The following SIRT5 variants were observed in gnomAD, a reference collection of about 807,000 sequenced individuals.
SIRT5 encodes NAD-dependent protein deacylase sirtuin-5, mitochondrial.
Under a neutral mutation model 40.0 loss-of-function variants are expected in SIRT5, and 26 were observed. That is an observed-to-expected ratio of 0.65 (90% CI 0.48 to 0.90). The LOEUF is 0.90. SIRT5 is among the 40% of genes least tolerant of loss of function. SIRT5 has a pLI of 0.00. For synonymous variants in SIRT5, 146 were observed against 149.1 expected, an observed-to-expected ratio of 0.98 and a Z score of 0.15; for missense variants, 401 against 402.4, an observed-to-expected ratio of 1.00 and a Z score of 0.03.
intron 7 of SIRT5, 112 bp from the exon 8 acceptor site, chr6:13,598,920 G>A: frequency 8.2e-7 from 1 of 1,221,992 alleles, no homozygotes; most frequent in Non-Finnish European, 1.2e-6. Context: ...GGAATAAGAG[G>A]CATCAGAGGT....
chr6:13,595,398 A>G (rs1020994703), intron 5 of SIRT5, 79 bp from the exon 6 acceptor site: 6 of 1,108,724 alleles, frequency 5.4e-6, no homozygotes, highest in Non-Finnish European at 6.9e-6. Flanking sequence ...AAAATAAAGT[A>G]TCTTATACCC....
chr6:13,607,211 A>G lies in SIRT5; in HGVS notation c.858-4579A>G, dbSNP rs1026863744. On this transcript the variant is annotated intron_variant, in intron 9 of 9. Transcript: ENST00000606117. This position sits in a 1 kb window ranked among gnomAD's most constrained non-coding sequence, Gnocchi z 4.0. Reference sequence around the variant, plus strand: ...TCCTGAATCAGAATTTCTAGGGGGAAGATGCCTGTTTATCTGTGTAGTTAG... The same window carrying G: ...TCCTGAATCAGAATTTCTAGGGGGAGGATGCCTGTTTATCTGTGTAGTTAG... 2.0e-5 allele frequency among the ~76,000 whole-genome samples: 3 copies of G among 152,134 alleles called. No individual in the cohort carries two copies. Among genetic ancestry groups the G allele is most frequent in the Admixed American group, 6.5e-5 (1 of 15,280 alleles).
chr6:13,592,716 C>T (rs947799209), intron 5 of SIRT5, among the ~76,000 whole-genome samples: 1 of 152,172 alleles, frequency 6.6e-6, no homozygotes, highest in Admixed American at 6.5e-5. Flanking sequence ...TGGGTAACCC[C>T]TCACCCCTTC....
Position 13,574,624 on chromosome 6 carries a change from G to C in SIRT5, c.-315G>C, listed in dbSNP as rs1758329827. 6.6e-6 allele frequency: 1 copy of C among 152,598 alleles called. No individual in the cohort carries two copies. Among genetic ancestry groups the C allele is most frequent in the African/African-American group, 2.4e-5 (1 of 41,460 alleles). The allele number at this position is 152,598 out of a possible 1,614,324, so 9.5% of individuals were successfully genotyped here. A position where few individuals can be genotyped will look rare whatever the true frequency, so the allele number is the denominator to read the frequency against. ...GTATTCGGGGGCGCGAGCTGCCCCA[G>C]GTGAGCCGTGGCTCAGGTCCGGAGC... On this transcript the variant is annotated 5_prime_UTR_variant, in exon 1 of 10. Coordinates refer to ENST00000606117, the MANE Select transcript of SIRT5 (RefSeq NM_012241.5).
chr6:13,598,195 T>C (rs1022093830), intron 7 of SIRT5, among the ~76,000 whole-genome samples: 2 of 152,218 alleles, frequency 1.3e-5, no homozygotes, highest in African/African-American at 4.8e-5. Flanking sequence ...ATTCCTGTGA[T>C]GCAGGAGATT....
At chr6:13,604,811 A>G (rs1230620196) in intron 9 of SIRT5, 3 of 1,112,292 alleles carry the variant, frequency 2.7e-6, no homozygotes, top group Non-Finnish European at 2.2e-6. Flanking sequence ...ACTTCAGCCA[A>G]AATTCTTCAG....
upstream of SIRT5, chr6:13,574,575 C>A (rs561015899): frequency 4.1e-4 from 62 of 152,604 alleles, no homozygotes; most frequent in African/African-American, 1.3e-3. Flanking sequence ...GGGAGGCACC[C>A]CGGGGGGCGG....
At chr6:13,611,437 C>G (rs1763912837) in intron 9 of SIRT5, among the ~76,000 whole-genome samples, 1 of 151,348 alleles carries the variant, frequency 6.6e-6, no homozygotes, top group South Asian at 2.1e-4. Context: ...AGTACAGTCC[C>G]AAAATACACT....
chr6:13,577,931 G>A (rs972131141), intron 1 of SIRT5, among the ~76,000 whole-genome samples: 1 of 152,004 alleles, frequency 6.6e-6, no homozygotes, highest in Non-Finnish European at 1.5e-5. Context: ...TTTTACCGTT[G>A]AGTATGATTT....
Position 13,610,055 on chromosome 6 carries a change from A to T in SIRT5, c.858-1735A>T, listed in dbSNP as rs903974954. Among the ~76,000 whole-genome samples, 5 of 151,954 alleles carry T rather than the reference A, an allele frequency of 3.3e-5. No individual in the cohort carries two copies. In the South Asian group the frequency reaches 1.0e-3, roughly 32 times the overall value. On this transcript the variant is annotated intron_variant, in intron 9 of 9. Coordinates refer to ENST00000606117, the MANE Select transcript of SIRT5 (RefSeq NM_012241.5). ...TAATCATAACTCACTGCAGCTTCAAACTCCTGGCTCAAGTGATCCTCTCGC... is the reference window on the plus strand; with the variant it reads ...TAATCATAACTCACTGCAGCTTCAATCTCCTGGCTCAAGTGATCCTCTCGC...
At chr6:13,590,022 G>T in intron 4 of SIRT5, among the ~76,000 whole-genome samples, 1 of 152,164 alleles carries the variant, frequency 6.6e-6, no homozygotes, top group Non-Finnish European at 1.5e-5. Context: ...GCAAAGGCTG[G>T]CATTACCACT....
chr6:13,588,537 A>G, intron 4 of SIRT5, 73 bp downstream of exon 4: 2 of 1,510,912 alleles, frequency 1.3e-6, no homozygotes, highest in East Asian at 2.4e-5. Context: ...CAAATCCTAT[A>G]CCGATCCCCG....
chr6:13,604,624 C>A, intron 9 of SIRT5: 1 of 1,483,122 alleles, frequency 6.7e-7, no homozygotes, highest in East Asian at 2.5e-5. Context: ...CCCCACCTCC[C>A]ATGCCATGGA....
chr6:13,588,365 A>G lies in SIRT5; in HGVS notation c.150A>G (p.Ala50=), dbSNP rs1162130310. Residue 50 remains alanine (A), a synonymous_variant, in exon 4 of 10, where the codon GCA becomes GCG. Transcript: ENST00000606117. The stretch of plus-strand genomic sequence containing the variant: ...ATTTTCGAAAGTTTTTTGCAAAAGC[A>G]AAGCACATAGTCATCATCTCAGGAG... ...MADFRKFFAK[A]KHIVIISGAG... 1.2e-6 allele frequency: 2 copies of G among 1,614,108 alleles called. No homozygotes were observed. The highest frequency in any genetic ancestry group is 1.1e-5 in the South Asian group (1 of 91,052).
chr6:13,590,344 T>C (rs1298458547), intron 4 of SIRT5, among the ~76,000 whole-genome samples: 1 of 152,032 alleles, frequency 6.6e-6, no homozygotes, highest in African/African-American at 2.4e-5. Flanking sequence ...AGAAAGGAGG[T>C]TTGTTTCTCC....
chr6:13,579,636 C>G (rs114244010), intron 2 of SIRT5, 27 bp downstream of exon 2: 1 of 152,200 alleles, frequency 6.6e-6, no homozygotes, highest in African/African-American at 2.4e-5. Context: ...AGATGATAGC[C>G]TAAGTAACTT....
intron 5 of SIRT5, 111 bp downstream of exon 5, chr6:13,592,005 T>A: frequency 1.0e-6 from 1 of 994,240 alleles, no homozygotes; most frequent in Non-Finnish European, 1.5e-6. Context: ...ATCCGTCCTG[T>A]CCTATAGGAT....
At position 13,611,663 on chromosome 6, in the gene SIRT5, A is replaced by C. The variant is rs376072042; in HGVS notation, c.858-127A>C. 5 of 723,524 alleles carry C rather than the reference A, an allele frequency of 6.9e-6. No homozygotes were observed. The African/African-American group carries it at 6.9e-5, about 10-fold the overall frequency. 44.8% of individuals were successfully genotyped at this position (723,524 alleles called of 1,614,324 possible). A position where few individuals can be genotyped will look rare whatever the true frequency, so the allele number is the denominator to read the frequency against. On this transcript the variant is annotated intron_variant, in intron 9 of 9. Transcript: ENST00000606117. The stretch of plus-strand genomic sequence containing the variant: ...AAAGAAGTGGGCATGGAAATTCATA[A>C]TACCATCTTTATGAGAATTTGGGTT...
intron 6 of SIRT5, among the ~76,000 whole-genome samples, 159 bp from the exon 7 acceptor site, chr6:13,596,804 C>T (rs377342407): frequency 6.6e-6 from 1 of 152,180 alleles, no homozygotes; most frequent in African/African-American, 2.4e-5. Flanking sequence ...TAATTAATGG[C>T]TTGGGGTCCT....
Sources: gnomAD v4.1 joint callset for allele counts (sites outside exome capture counted in the v4.1 genomes callset) on GRCh38, gnomAD v4.1.1 for gene constraint, Gnocchi (gnomAD v3.1) non-coding constraint, MANE v1.5 for transcripts, NCBI Gene and HGNC (gene_info 2026-07-23, HGNC 2026-07-21) for gene names.